Variants in PDE11A observed in about 807,000 individuals in gnomAD.
PDE11A encodes dual 3',5'-cyclic-AMP and -GMP phosphodiesterase 11A.
In PDE11A, 100 loss-of-function variants were observed where a neutral mutation model predicts 100.5. The ratio of observed to expected loss-of-function variants is 1.00; its 90% CI spans 0.85 to 1.18. The LOEUF is 1.18. Ranked by LOEUF, PDE11A falls within the 50% of genes most tolerant of loss-of-function variation. PDE11A has a pLI of 0.00. For missense variants in PDE11A, 1,141 were observed against 1,152.6 expected (o/e 0.99, Z 0.15); for synonymous variants, 381 against 420.8 (o/e 0.91, Z 1.16).
At chr2:177,661,933 A>G (rs2080490625) in intron 19 of PDE11A, among the ~76,000 whole-genome samples, 2 of 152,200 alleles carry the variant, frequency 1.3e-5, no homozygotes, top group African/African-American at 2.4e-5. Flanking sequence ...CACAACTCTA[A>G]TTTGGTGGGA....
chr2:177,665,309 CAA>C (rs9288007), intron 18 of PDE11A, among the ~76,000 whole-genome samples: 6,672 of 112,396 alleles, frequency 0.059, 192 homozygotes, highest in East Asian at 0.17. Context: ...CCTGTCCCTA[CAA>C]AAAAAAAAAA....
chr2:178,087,709 C>A (rs1486925451), intron 2 of PDE11A, among the ~76,000 whole-genome samples: 2 of 152,002 alleles, frequency 1.3e-5, no homozygotes, highest in East Asian at 1.9e-4. Context: ...AAAATTTATA[C>A]AAATTTTAAA....
At chr2:177,847,359 A>G (rs2083618056) in intron 5 of PDE11A, among the ~76,000 whole-genome samples, 1 of 152,192 alleles carries the variant, frequency 6.6e-6, no homozygotes, top group African/African-American at 2.4e-5. Flanking sequence ...TAAATTAACC[A>G]ACTTTCTTGA....
In PDE11A at chr2:177,719,429, G is replaced by A. The variant is rs116021728; in HGVS notation, c.2044-7551C>T. On this transcript the variant is annotated intron_variant, in intron 12 of 19. Transcript: ENST00000286063. Reference sequence around the variant, plus strand: ...GTCCAGGCACTGCAGCAGAGCCCTAGGTGGATTGGCTAAGGTTGAGGGACA... The same window carrying A: ...GTCCAGGCACTGCAGCAGAGCCCTAAGTGGATTGGCTAAGGTTGAGGGACA... 6.0e-3 allele frequency among the ~76,000 whole-genome samples: 913 copies of A among 152,280 alleles called. 5 individuals are homozygous for A. The highest frequency in any genetic ancestry group is 0.021 in the African/African-American group (869 of 41,550).
At chr2:177,977,669 C>A (rs373610648) in intron 2 of PDE11A, among the ~76,000 whole-genome samples, 18,259 of 122,382 alleles carry the variant, frequency 0.15, 1,602 homozygotes, top group Middle Eastern at 0.26. Context: ...GGAGGCATCA[C>A]ACTACCTGAC....
intron 9 of PDE11A, among the ~76,000 whole-genome samples, chr2:177,772,372 C>T (rs1024993562): frequency 2.6e-5 from 4 of 152,060 alleles, no homozygotes; most frequent in Admixed American, 6.6e-5. Context: ...AAATAGCCAA[C>T]TTATAGGTAT....
chr2:177,859,865 A>G (rs1558977971), intron 5 of PDE11A, among the ~76,000 whole-genome samples: 1 of 152,048 alleles, frequency 6.6e-6, no homozygotes, highest in Admixed American at 6.6e-5. Context: ...CTAACAAAGT[A>G]AGAGTTAAAG....
intron 2 of PDE11A, among the ~76,000 whole-genome samples, chr2:178,084,532 A>G (rs1430251075): frequency 6.6e-6 from 1 of 152,214 alleles, no homozygotes; most frequent in Non-Finnish European, 1.5e-5. Flanking sequence ...TGGTTTCGCA[A>G]GCCAGAATGC....
chr2:177,631,474 C>CT (rs1465260239), intron 19 of PDE11A, among the ~76,000 whole-genome samples: 2 of 58,352 alleles, frequency 3.4e-5, no homozygotes, highest in Non-Finnish European at 5.6e-5. Context: ...GAGTGAGACT[C>CT]TATCTCAAAA....
intron 7 of PDE11A, among the ~76,000 whole-genome samples, chr2:177,818,348 C>T (rs1311600373): frequency 6.7e-6 from 1 of 150,368 alleles, no homozygotes; most frequent in Non-Finnish European, 1.5e-5. Flanking sequence ...AAGCACAATA[C>T]TTGAAAGAGG....
intron 2 of PDE11A, among the ~76,000 whole-genome samples, chr2:178,002,953 T>C (rs1574335218): frequency 6.6e-6 from 1 of 152,066 alleles, no homozygotes; most frequent in Non-Finnish European, 1.5e-5. Context: ...GAAAGGATGA[T>C]CGACATCATT....
At chr2:177,857,147 T>C (rs1339832499) in intron 5 of PDE11A, among the ~76,000 whole-genome samples, 2 of 151,960 alleles carry the variant, frequency 1.3e-5, no homozygotes, top group Non-Finnish European at 2.9e-5. Flanking sequence ...CTGAAAAATA[T>C]ATCCACAGTA....
At chr2:177,942,691 C>A (rs1424524966) in intron 2 of PDE11A, among the ~76,000 whole-genome samples, 5 of 152,140 alleles carry the variant, frequency 3.3e-5, no homozygotes, top group African/African-American at 1.2e-4. Flanking sequence ...GAATGAGCCA[C>A]CGCACCCGGC....
chr2:177,783,439 T>C (rs2082484181), intron 9 of PDE11A, among the ~76,000 whole-genome samples: 1 of 152,216 alleles, frequency 6.6e-6, no homozygotes, highest in Non-Finnish European at 1.5e-5. Flanking sequence ...TTTGGACTGA[T>C]TTCTAAATTC....
At chr2:177,957,910 C>CTTTTTTTT (rs748839068) in intron 2 of PDE11A, among the ~76,000 whole-genome samples, 5 of 114,464 alleles carry the variant, frequency 4.4e-5, no homozygotes, top group African/African-American at 1.2e-4. Flanking sequence ...TTTCCAATGC[C>CTTTTTTTT]TTTTTTTTGA....
Position 177,637,896 on chromosome 2 carries a change from T to C in PDE11A, c.2647-8334A>G, listed in dbSNP as rs1010575375. On this transcript the variant is annotated intron_variant, in intron 19 of 19. Coordinates refer to ENST00000286063, the MANE Select transcript of PDE11A (RefSeq NM_016953.4). ...GGATCTCATCTACTATACATATATA[T>C]ATATACATATATACATATATACACA... is the stretch of plus-strand genomic sequence containing the variant. Among the ~76,000 whole-genome samples the C allele has an allele frequency of 1.1e-3, 87 of 79,526 alleles. 3 individuals carry two copies. Among genetic ancestry groups the C allele is most frequent in the Non-Finnish European group, 1.2e-3 (35 of 28,222 alleles). The allele number at this position is 79,526 out of a possible 152,430, so 52.2% of individuals were successfully genotyped here.
chr2:177,773,671 A>T (rs1048834146), intron 9 of PDE11A, among the ~76,000 whole-genome samples: 1 of 152,164 alleles, frequency 6.6e-6, no homozygotes, highest in Non-Finnish European at 1.5e-5. Flanking sequence ...TGTTTCTGAG[A>T]GTTCCTGTTT....
rs377383201 is a variant in PDE11A, at chr2:177,727,603, C to T, written c.2043+55G>A. On this transcript the variant is annotated intron_variant, in intron 12 of 19. Coordinates refer to ENST00000286063, the MANE Select transcript of PDE11A (RefSeq NM_016953.4). The stretch of plus-strand genomic sequence containing the variant: ...AGAAATGGAAATGTAAAGGAGAAGG[C>T]CTGCCAGTTCCTACGAATGAGAAAT... 162 of 1,005,990 alleles carry T rather than the reference C, an allele frequency of 1.6e-4. No individual in the cohort carries two copies. In the African/African-American group the frequency reaches 1.7e-3, roughly 11 times the overall value. The allele number at this position is 1,005,990 out of a possible 1,614,324, so 62.3% of individuals were successfully genotyped here.
chr2:177,989,305 T>TG (rs1559033840), intron 2 of PDE11A, among the ~76,000 whole-genome samples: 1 of 152,196 alleles, frequency 6.6e-6, no homozygotes, highest in Non-Finnish European at 1.5e-5. Context: ...GATGTGGTTA[T>TG]GATGAAAAGC....
Sources: gnomAD v4.1 joint callset for allele counts (sites outside exome capture counted in the v4.1 genomes callset) on GRCh38, gnomAD v4.1.1 for gene constraint, MANE v1.5 for transcripts, NCBI Gene and HGNC (gene_info 2026-07-23, HGNC 2026-07-21) for gene names.